OSBPL8: variants seen among roughly 807,000 people sequenced by gnomAD.
The protein encoded by OSBPL8 is oxysterol binding protein like 8.
In OSBPL8, 59 loss-of-function variants were observed where a neutral mutation model predicts 125.5. The observed-to-expected ratio is 0.47, with a 90% confidence interval of 0.38 to 0.58. The LOEUF is 0.58. OSBPL8 is among the 20% of genes least tolerant of loss of function. The probability of loss-of-function intolerance (pLI) is 0.00; values close to 1 mark genes in which losing one functional copy is unlikely to be tolerated. For synonymous variants in OSBPL8, 330 were observed against 338.9 expected (o/e 0.97, Z 0.29); for missense variants, 758 against 1,047.8 (o/e 0.72, Z 3.82).
At chr12:76,418,108 C>T (rs1448464692) in intron 4 of OSBPL8, among the ~76,000 whole-genome samples, 2 of 150,838 alleles carry the variant, frequency 1.3e-5, no homozygotes, top group Non-Finnish European at 3.0e-5. Context: ...CTCCGCCTCC[C>T]GGGTTCAAGC....
chr12:76,476,052 G>A (rs1322980911), intron 2 of OSBPL8, among the ~76,000 whole-genome samples: 5 of 152,140 alleles, frequency 3.3e-5, no homozygotes, highest in African/African-American at 9.7e-5. Flanking sequence ...GATAAGAAGT[G>A]TGCTCAGAAC....
At chr12:76,557,298 T>C (rs1256026399) in intron 1 of OSBPL8, among the ~76,000 whole-genome samples, 1 of 152,158 alleles carries the variant, frequency 6.6e-6, no homozygotes, top group Non-Finnish European at 1.5e-5. Context: ...CTAACACTGG[T>C]TAAAATTCTG....
At chr12:76,509,389 TGAAA>T (rs1880752430) in intron 1 of OSBPL8, among the ~76,000 whole-genome samples, 1 of 152,112 alleles carries the variant, frequency 6.6e-6, no homozygotes, top group African/African-American at 2.4e-5. Context: ...GATTAAATCC[TGAAA>T]GAAAATCTAA....
intron 1 of OSBPL8, among the ~76,000 whole-genome samples, chr12:76,534,070 G>A (rs1390262619): frequency 6.6e-6 from 1 of 152,146 alleles, no homozygotes; most frequent in Non-Finnish European, 1.5e-5. Flanking sequence ...ATACCTGAGT[G>A]CTATTTTGAA....
rs1447576465 is a variant in OSBPL8 at position 76,355,334 on chromosome 12, C to G, written c.*555G>C. On this transcript the variant is annotated 3_prime_UTR_variant, in exon 24 of 24. Coordinates refer to ENST00000261183, the MANE Select transcript of OSBPL8 (RefSeq NM_020841.5). ...GATGTATTCATTTTGACCATTCATA[C>G]TTTTTCTTTCTTTCTAAGAAGATAA... 6.6e-6 allele frequency: 1 copy of G among 152,238 alleles called. No individual in the cohort carries two copies. Among genetic ancestry groups the G allele is most frequent in the African/African-American group, 2.4e-5 (1 of 41,430 alleles). The allele number at this position is 152,238 out of a possible 1,614,324, so 9.4% of individuals were successfully genotyped here.
intron 1 of OSBPL8, among the ~76,000 whole-genome samples, chr12:76,518,951 T>C (rs1341549069): frequency 2.0e-5 from 3 of 152,212 alleles, no homozygotes; most frequent in Non-Finnish European, 4.4e-5. Flanking sequence ...AAGGTCTTTT[T>C]CCCATTGTCT....
chr12:76,459,148 C>G (rs1874404107), intron 3 of OSBPL8, among the ~76,000 whole-genome samples: 2 of 152,132 alleles, frequency 1.3e-5, no homozygotes, highest in South Asian at 2.1e-4. Flanking sequence ...TCAGGCTCTC[C>G]TCTATAAAAT....
intron 18 of OSBPL8, 112 bp from the exon 19 acceptor site, chr12:76,371,696 C>T (rs1952625150): frequency 9.9e-7 from 1 of 1,009,626 alleles, no homozygotes; most frequent in African/African-American, 1.7e-5. Flanking sequence ...CAGTTAAAAG[C>T]ATTTTTAAAA....
At chr12:76,382,259 A>C (rs182543884) in intron 15 of OSBPL8, among the ~76,000 whole-genome samples, 13 of 152,170 alleles carry the variant, frequency 8.5e-5, no homozygotes, top group Non-Finnish European at 1.9e-4. Context: ...TCTTTTATAC[A>C]TTATTTAAAT....
chr12:76,545,695 A>G (rs539333145), intron 1 of OSBPL8, among the ~76,000 whole-genome samples: 124 of 152,292 alleles, frequency 8.1e-4, no homozygotes, highest in African/African-American at 2.9e-3. Context: ...AATTACCACA[A>G]CCAGAGGAGT....
At chr12:76,388,535 A>G (rs983150206) in intron 12 of OSBPL8, among the ~76,000 whole-genome samples, 4 of 152,210 alleles carry the variant, frequency 2.6e-5, no homozygotes, top group African/African-American at 4.8e-5. Context: ...GACCGACAAA[A>G]GTGCAGAAGA....
intron 1 of OSBPL8, among the ~76,000 whole-genome samples, chr12:76,558,196 T>C (rs897312835): frequency 3.9e-5 from 6 of 152,202 alleles, no homozygotes; most frequent in Admixed American, 1.3e-4. Flanking sequence ...TTAAATTGCA[T>C]GGCCTTACTT....
intron 1 of OSBPL8, among the ~76,000 whole-genome samples, chr12:76,517,029 G>A (rs780781635): frequency 6.6e-6 from 1 of 151,984 alleles, no homozygotes; most frequent in Non-Finnish European, 1.5e-5. Flanking sequence ...AGCCAGCCTG[G>A]TCTCGAACTC....
chr12:76,411,828 C>T (rs1954526494), intron 4 of OSBPL8, among the ~76,000 whole-genome samples: 3 of 152,022 alleles, frequency 2.0e-5, no homozygotes, highest in Non-Finnish European at 4.4e-5. Context: ...AGACAGAAAC[C>T]TACATCCCTA....
Position 76,399,939 on chromosome 12 carries a change from T to C in OSBPL8, c.402A>G (p.Arg134=), listed in dbSNP as rs1317750581. The change falls in exon 7 of 24, where the codon AGA becomes AGG. Residue 134 remains arginine, a synonymous_variant. Transcript: ENST00000261183. ...QKKNYREEKK[R]ATKELLSTIT... is the part of the protein sequence containing the mutation. ...TTGTACTGAGCAGCTCCTTTGTGGC[T>C]CTTTTCTTTTCTTCTCGGTAATTTT... is the stretch of plus-strand genomic sequence containing the variant. 1 of 1,605,564 alleles carries C rather than the reference T, an allele frequency of 6.2e-7. No homozygotes were observed. The highest frequency in any genetic ancestry group is 8.5e-7 in the Non-Finnish European group (1 of 1,178,020).
chr12:76,483,132 C>T (rs1340411750), intron 2 of OSBPL8, among the ~76,000 whole-genome samples: 1 of 151,872 alleles, frequency 6.6e-6, no homozygotes, highest in Admixed American at 6.6e-5. Context: ...TGGTGGCGCT[C>T]GCCTGTAGTC....
intron 9 of OSBPL8, among the ~76,000 whole-genome samples, chr12:76,393,908 T>A (rs1953678754): frequency 6.7e-6 from 1 of 148,792 alleles, no homozygotes; most frequent in Admixed American, 6.7e-5. Context: ...TAATCCCAGC[T>A]ACCCGGGAGG....
chr12:76,393,298 CT>C (rs1472429946), intron 9 of OSBPL8, among the ~76,000 whole-genome samples: 1 of 152,078 alleles, frequency 6.6e-6, no homozygotes, highest in Non-Finnish European at 1.5e-5. Context: ...TAGCAGAAAA[CT>C]TTTCATTTAT....
intron 5 of OSBPL8, among the ~76,000 whole-genome samples, chr12:76,409,429 A>G (rs1377573748): frequency 1.3e-5 from 2 of 152,174 alleles, no homozygotes; most frequent in East Asian, 3.9e-4. Flanking sequence ...ATCAAACCAA[A>G]GCATATAAAT....
Sources: gnomAD v4.1 joint callset for allele counts (sites outside exome capture counted in the v4.1 genomes callset) on GRCh38, gnomAD v4.1.1 for gene constraint, MANE v1.5 for transcripts, NCBI Gene and HGNC (gene_info 2026-07-23, HGNC 2026-07-21) for gene names.